Variants in FMN1 observed in about 807,000 individuals in gnomAD.
FMN1 encodes formin-1.
A neutral mutation model predicts 132.4 loss-of-function variants in FMN1; 110 were observed. That is an observed-to-expected ratio of 0.83 (90% confidence interval 0.71 to 0.97). The LOEUF (loss-of-function observed/expected upper bound fraction) is 0.97. FMN1 is among the 50% of genes least tolerant of loss of function. The pLI, the probability that FMN1 is intolerant of heterozygous loss-of-function variation, is 0.00. For missense variants in FMN1, 1,792 were observed against 1,705.3 expected, an observed-to-expected ratio of 1.05 and a Z score of -0.90; for synonymous variants, 722 against 651.7, an observed-to-expected ratio of 1.11 and a Z score of -1.64.
At chr15:33,165,691 G>A (rs778619696) in intron 3 of FMN1, among the ~76,000 whole-genome samples, 5 of 152,042 alleles carry the variant, frequency 3.3e-5, no homozygotes, top group Non-Finnish European at 4.4e-5. Flanking sequence ...GCACCTGGCC[G>A]GTTTTTCTTT....
At chr15:32,894,766 A>C (rs2060113978) in intron 15 of FMN1, among the ~76,000 whole-genome samples, 1 of 149,902 alleles carries the variant, frequency 6.7e-6, no homozygotes, top group South Asian at 2.1e-4. Context: ...TTAGTAATGG[A>C]AAGAGAGAAG....
chr15:32,780,430 G>C (rs2140891060), intron 19 of FMN1, among the ~76,000 whole-genome samples: 1 of 152,300 alleles, frequency 6.6e-6, no homozygotes, highest in South Asian at 2.1e-4. Flanking sequence ...CATGGCAATA[G>C]TCAGGAAGTT....
At chr15:32,888,677 GTCA>G (rs2059952295) in intron 15 of FMN1, among the ~76,000 whole-genome samples, 1 of 152,182 alleles carries the variant, frequency 6.6e-6, no homozygotes, top group Non-Finnish European at 1.5e-5. Context: ...AATTAGACAA[GTCA>G]TCTTTGGGGC....
intron 5 of FMN1, chr15:33,067,838 G>C: frequency 1.9e-6 from 3 of 1,613,746 alleles, no homozygotes; most frequent in Non-Finnish European, 2.5e-6. Context: ...TGGTTTTGCT[G>C]GTTCTGACAC....
intron 6 of FMN1, among the ~76,000 whole-genome samples, chr15:33,059,623 T>C (rs551561572): frequency 6.6e-6 from 1 of 152,360 alleles, no homozygotes; most frequent in South Asian, 2.1e-4. Context: ...AGACTATCTT[T>C]ATCTCCAAAT....
chr15:32,922,102 T>C (rs556523266), intron 10 of FMN1, among the ~76,000 whole-genome samples: 1 of 152,310 alleles, frequency 6.6e-6, no homozygotes, highest in East Asian at 1.9e-4. Flanking sequence ...AATTCTACTA[T>C]AATGTTGGGC....
At chr15:32,918,484 T>C (rs187625241) in intron 10 of FMN1, among the ~76,000 whole-genome samples, 70 of 152,274 alleles carry the variant, frequency 4.6e-4, no homozygotes, top group African/African-American at 1.5e-3. Context: ...GGGATACTTA[T>C]CTAATCTATT....
rs1282955888 is a variant in FMN1 at position 33,193,994 on chromosome 15, G to C, written c.-282C>G. On this transcript the variant is annotated 5_prime_UTR_variant, in exon 2 of 21. Coordinates refer to ENST00000616417, the MANE Select transcript of FMN1 (RefSeq NM_001277313.2). ...CTGTGGTGGTAGTGGCCTTGGAGGT[G>C]GTGGTAGTGGCAATGGTGATGATGA... 1 of 151,982 alleles carries C rather than the reference G, an allele frequency of 6.6e-6. No individual in the cohort carries two copies. The highest frequency in any genetic ancestry group is 1.5e-5 in the Non-Finnish European group (1 of 68,036). The allele number at this position is 151,982 out of a possible 1,614,324, so 9.4% of individuals were successfully genotyped here.
chr15:32,808,844 A>G (rs1462023223), intron 17 of FMN1, among the ~76,000 whole-genome samples: 2 of 151,904 alleles, frequency 1.3e-5, no homozygotes, highest in Non-Finnish European at 2.9e-5. Flanking sequence ...GAATGTTCAT[A>G]ACTGCTTTCA....
intron 17 of FMN1, among the ~76,000 whole-genome samples, chr15:32,821,769 C>T (rs991753121): frequency 2.8e-4 from 42 of 152,096 alleles, no homozygotes; most frequent in African/African-American, 9.6e-4. Context: ...ATCTTAACAC[C>T]CATTATACCT....
intron 6 of FMN1, among the ~76,000 whole-genome samples, chr15:33,048,400 AT>A (rs1387637921): frequency 6.6e-6 from 1 of 152,030 alleles, no homozygotes; most frequent in Non-Finnish European, 1.5e-5. Flanking sequence ...AATAAGACTG[AT>A]GTTTAGGACA....
chr15:32,979,481 G>A (rs915719261), intron 7 of FMN1, among the ~76,000 whole-genome samples: 6 of 150,720 alleles, frequency 4.0e-5, no homozygotes, highest in South Asian at 2.1e-4. Context: ...GCGTGAACCC[G>A]GGAGGCGGAG....
chr15:33,031,420 G>A (rs796721796), intron 6 of FMN1, among the ~76,000 whole-genome samples: 29 of 152,228 alleles, frequency 1.9e-4, no homozygotes, highest in Admixed American at 7.8e-4. Context: ...CTCTCCAGAG[G>A]AGCTGCCCCA....
At chr15:33,144,452 C>T (rs1197104134) in intron 4 of FMN1, among the ~76,000 whole-genome samples, 6 of 151,888 alleles carry the variant, frequency 4.0e-5, no homozygotes, top group Non-Finnish European at 7.4e-5. Context: ...CTGGCTAACA[C>T]GGTGAAACCC....
chr15:33,098,116 A>G (rs2039156279), intron 4 of FMN1, among the ~76,000 whole-genome samples: 3 of 152,220 alleles, frequency 2.0e-5, no homozygotes, highest in Non-Finnish European at 2.9e-5. Flanking sequence ...AAATCCCAAA[A>G]ACTTGGAAAT....
chr15:33,166,718 C>T (rs1007804994), intron 3 of FMN1, among the ~76,000 whole-genome samples: 1 of 152,138 alleles, frequency 6.6e-6, no homozygotes, highest in African/African-American at 2.4e-5. Context: ...TCAAGGAAGG[C>T]CCTCTTCATC....
intron 9 of FMN1, among the ~76,000 whole-genome samples, chr15:32,929,076 A>G (rs1315837829): frequency 4.6e-5 from 7 of 152,210 alleles, no homozygotes; most frequent in Non-Finnish European, 1.5e-5. Context: ...ACAACCAGGT[A>G]TTTGCTGAGT....
intron 4 of FMN1, among the ~76,000 whole-genome samples, chr15:33,139,542 G>T (rs1963921041): frequency 1.3e-5 from 2 of 152,210 alleles, no homozygotes; most frequent in South Asian, 4.1e-4. Context: ...AGTGAGCTGA[G>T]ATCACGCCAC....
In FMN1 at chr15:33,153,350, G is replaced by T. The variant is rs61738535; in HGVS notation, c.1565C>A (p.Ser522Ter). 2 of 1,536,360 alleles carry T rather than the reference G, an allele frequency of 1.3e-6. No individual in the cohort carries two copies. The highest frequency in any genetic ancestry group is 1.7e-6 in the Non-Finnish European group (2 of 1,146,942). Reference sequence around the variant, plus strand: ...GCTGGGGAGCCTTGGAGACAGAGGCGAGGGAACAGGTGACGTCTGTTTGTG... The same window carrying T: ...GCTGGGGAGCCTTGGAGACAGAGGCTAGGGAACAGGTGACGTCTGTTTGTG... ...STHKQTSPVP[S>*]PLSPRLPSPQ... The change falls in exon 4 of 21, where the codon TCG becomes TAG. Residue 522 changes from serine to a stop codon, truncating the protein, a stop_gained. Coordinates refer to ENST00000616417, the MANE Select transcript of FMN1 (RefSeq NM_001277313.2). LOFTEE classifies it high-confidence loss of function.
Sources: allele counts gnomAD v4.1 joint callset (sites outside exome capture counted in the v4.1 genomes callset), GRCh38; gene constraint gnomAD v4.1.1; transcripts MANE v1.5; gene names NCBI Gene and HGNC (gene_info 2026-07-23, HGNC 2026-07-21).